GLRA3: variants seen among roughly 807,000 people sequenced by gnomAD.
GLRA3 encodes glycine receptor alpha 3, also known as glycine receptor subunit alpha-3.
A neutral mutation model predicts 60.4 loss-of-function variants in GLRA3; 44 were observed. The ratio of observed to expected loss-of-function variants is 0.73; its 90% CI spans 0.57 to 0.94. The LOEUF (loss-of-function observed/expected upper bound fraction) is 0.94, where lower values mean the gene tolerates loss of function less well. Among genes scored for constraint, GLRA3 ranks in the 40% least tolerant of loss-of-function variants. The pLI is 0.00. For synonymous variants in GLRA3, 223 were observed against 192.9 expected, an observed-to-expected ratio of 1.16 and a Z score of -1.29; for missense variants, 508 against 564.6, an observed-to-expected ratio of 0.90 and a Z score of 1.02.
intron 1 of GLRA3, among the ~76,000 whole-genome samples, chr4:174,810,591 C>T (rs557555771): frequency 4.9e-4 from 74 of 152,152 alleles, no homozygotes; most frequent in Non-Finnish European, 9.7e-4. Flanking sequence ...GGAAACTTTT[C>T]ATTTATCCAA....
intron 9 of GLRA3, among the ~76,000 whole-genome samples, chr4:174,654,303 A>T (rs10023554): frequency 0.3 from 46,191 of 152,014 alleles, 7,968 homozygotes; most frequent in Admixed American, 0.47. Flanking sequence ...ATTATTTATT[A>T]TCCTTAGAAG....
chr4:174,760,926 A>C (rs572901675), intron 3 of GLRA3, among the ~76,000 whole-genome samples: 1 of 152,356 alleles, frequency 6.6e-6, no homozygotes, highest in South Asian at 2.1e-4. Flanking sequence ...ATCTCAAAAA[A>C]AACATAAATT....
chr4:174,673,618 A>C (rs1733992243), intron 7 of GLRA3, among the ~76,000 whole-genome samples: 1 of 152,162 alleles, frequency 6.6e-6, no homozygotes, highest in Admixed American at 6.6e-5. Context: ...AAGAGAGCCA[A>C]GCACAAATAT....
chr4:174,657,665 A>G (rs1348712496), intron 8 of GLRA3, among the ~76,000 whole-genome samples: 1 of 152,090 alleles, frequency 6.6e-6, no homozygotes, highest in Non-Finnish European at 1.5e-5. Context: ...GGGAGAGAGA[A>G]GAGGAAGAAA....
At chr4:174,711,440 T>C (rs1419285066) in intron 5 of GLRA3, among the ~76,000 whole-genome samples, 3 of 108,108 alleles carry the variant, frequency 2.8e-5, no homozygotes, top group Non-Finnish European at 6.4e-5. Flanking sequence ...TATATATATA[T>C]ATATATTTTT....
At chr4:174,766,331 A>G (rs1738142667) in intron 3 of GLRA3, among the ~76,000 whole-genome samples, 1 of 152,018 alleles carries the variant, frequency 6.6e-6, no homozygotes, top group Non-Finnish European at 1.5e-5. Context: ...TCATGTGTCT[A>G]TTTCTGCATT....
chr4:174,726,829 G>C (rs1736343882), intron 4 of GLRA3, among the ~76,000 whole-genome samples: 1 of 141,868 alleles, frequency 7.0e-6, no homozygotes. Context: ...GCTATCTTTT[G>C]ATATTTAGTG....
chr4:174,817,207 G>A (rs1054448410), intron 1 of GLRA3, among the ~76,000 whole-genome samples: 1 of 152,172 alleles, frequency 6.6e-6, no homozygotes, highest in Non-Finnish European at 1.5e-5. Flanking sequence ...TAACATCTTG[G>A]AAGTGTCTTT....
intron 7 of GLRA3, among the ~76,000 whole-genome samples, chr4:174,662,836 T>C (rs966842957): frequency 1.4e-5 from 2 of 138,632 alleles, no homozygotes; most frequent in Admixed American, 7.9e-5. Context: ...TTTTTTTTTT[T>C]CTTTTTTTTT....
At chr4:174,706,252 A>G (rs532145329) in intron 5 of GLRA3, among the ~76,000 whole-genome samples, 3 of 148,760 alleles carry the variant, frequency 2.0e-5, no homozygotes, top group South Asian at 4.3e-4. Flanking sequence ...GAAAAAAAAA[A>G]TGTTCAGAAA....
At chr4:174,795,311 T>C (rs974533206) in intron 1 of GLRA3, among the ~76,000 whole-genome samples, 5 of 152,032 alleles carry the variant, frequency 3.3e-5, no homozygotes, top group African/African-American at 1.2e-4. Flanking sequence ...AAAACAGTTA[T>C]ATATTTTATA....
chr4:174,793,918 T>C (rs1739462876), intron 1 of GLRA3, among the ~76,000 whole-genome samples: 1 of 152,104 alleles, frequency 6.6e-6, no homozygotes, highest in South Asian at 2.1e-4. Flanking sequence ...TAAGATTAAA[T>C]CTTAATTAAT....
chr4:174,777,637 G>A lies in GLRA3; in HGVS notation c.200-10607C>T, dbSNP rs576323324. On this transcript the variant is annotated intron_variant, in intron 2 of 9. Transcript: ENST00000274093. ...TATGATACAGTAATGACAAACACAC[G>A]TTGTTATGAATTTGTCAAAACCCAT... 9.9e-5 allele frequency among the ~76,000 whole-genome samples: 15 copies of A among 152,116 alleles called. No homozygotes were observed. The South Asian group carries it at 1.5e-3, about 15-fold the overall frequency.
At chr4:174,817,876 G>A (rs138639260) in intron 1 of GLRA3, among the ~76,000 whole-genome samples, 1,564 of 152,116 alleles carry the variant, frequency 0.01, 32 homozygotes, top group African/African-American at 0.036. Flanking sequence ...CAAAGTGCTG[G>A]GATTACAGGT....
At chr4:174,718,959 C>CCT (rs1736032199) in intron 4 of GLRA3, among the ~76,000 whole-genome samples, 2 of 81,064 alleles carry the variant, frequency 2.5e-5, no homozygotes, top group African/African-American at 9.8e-5. Context: ...AGATTTCGTG[C>CCT]TTTTTTTTTT....
chr4:174,716,208 G>A (rs1022145033), intron 4 of GLRA3, among the ~76,000 whole-genome samples: 2 of 152,094 alleles, frequency 1.3e-5, no homozygotes, highest in Non-Finnish European at 2.9e-5. Context: ...CATGTTCCCC[G>A]GTGTGGGATA....
At chr4:174,738,847 A>G (rs1736900075) in intron 3 of GLRA3, among the ~76,000 whole-genome samples, 2 of 152,218 alleles carry the variant, frequency 1.3e-5, no homozygotes, top group Non-Finnish European at 2.9e-5. Context: ...GCCTTTTGCT[A>G]TCAAAATAAC....
At chr4:174,794,359 C>A (rs966011097) in intron 1 of GLRA3, among the ~76,000 whole-genome samples, 1 of 152,106 alleles carries the variant, frequency 6.6e-6, no homozygotes, top group Non-Finnish European at 1.5e-5. Flanking sequence ...TTAAGTGCCA[C>A]GTGATGCTTG....
chr4:174,755,912 T>A (rs6820505), intron 3 of GLRA3, among the ~76,000 whole-genome samples: 1 of 152,006 alleles, frequency 6.6e-6, no homozygotes, highest in African/African-American at 2.4e-5. Context: ...AAAAAATGAG[T>A]GAAAACCAAA....
Sources: gnomAD v4.1 joint callset for allele counts (sites outside exome capture counted in the v4.1 genomes callset) on GRCh38, gnomAD v4.1.1 for gene constraint, MANE v1.5 for transcripts, NCBI Gene and HGNC (gene_info 2026-07-23, HGNC 2026-07-21) for gene names.